USP6: variants seen among roughly 807,000 people sequenced by gnomAD.
The protein encoded by USP6 is ubiquitin specific peptidase 6.
USP6 carries 128 observed loss-of-function variants against 175.7 expected under a neutral mutation model. The ratio of observed to expected loss-of-function variants is 0.73; its 90% CI spans 0.63 to 0.84. The LOEUF is 0.84. Ranked by LOEUF, USP6 falls within the 40% of genes least tolerant of loss-of-function variation. The pLI, the probability that USP6 is intolerant of heterozygous loss-of-function variation, is 0.00. For synonymous variants in USP6, 562 were observed against 630.6 expected, an observed-to-expected ratio of 0.89 and a Z score of 1.63; for missense variants, 1,498 against 1,760.3, an observed-to-expected ratio of 0.85 and a Z score of 2.67.
At chr17:5,138,376 A>G in intron 21 of USP6, 103 bp downstream of exon 21, 1 of 1,572,176 alleles carries the variant, frequency 6.4e-7, no homozygotes, top group East Asian at 2.2e-5. Context: ...CTTCCTCTTC[A>G]CCTTTTCTTC....
In USP6 at chr17:5,132,312, C is replaced by A. The variant is rs749184339; in HGVS notation, c.156-84C>A. On this transcript the variant is annotated intron_variant, in intron 11 of 37. Transcript: ENST00000574788. This position sits in a 1 kb window ranked among gnomAD's most constrained non-coding sequence, Gnocchi z 4.7. ...GCCCTGAGCTGGATAGGGACAGAGC[C>A]AGTCCTTTCTGGGGGTCGGCTCCCA... The A allele has an allele frequency of 6.1e-5, 99 of 1,611,386 alleles. No individual in the cohort carries two copies. The highest frequency in any genetic ancestry group is 7.2e-5 in the Non-Finnish European group (85 of 1,179,464).
At position 5,139,454 on chromosome 17, in the gene USP6, T is replaced by G. The variant is rs1218412490; in HGVS notation, c.1278T>G (p.Pro426=). The change falls in exon 22 of 38, where the codon CCT becomes CCG. Residue 426 remains proline (P), a synonymous_variant. Transcript: ENST00000574788. The part of the protein sequence containing the change: ...PGGAVREDTY[P]VGTQGVPSLA... ...GGGCTGTCCGGGAAGACACGTACCC[T>G]GTGGGCACTCAGGGTGTGCCCAGCC... is the stretch of plus-strand genomic sequence containing the variant. The G allele has an allele frequency of 6.2e-7, 1 of 1,613,226 alleles. No homozygotes were observed. Among genetic ancestry groups the G allele is most frequent in the South Asian group, 1.1e-5 (1 of 91,046 alleles).
At chr17:5,147,342 T>G (rs1010531841) in intron 29 of USP6, 148 bp downstream of exon 29, 11 of 1,014,942 alleles carry the variant, frequency 1.1e-5, no homozygotes, top group Non-Finnish European at 1.5e-5. Context: ...ATTCCATATT[T>G]TTTCGATGAG....
chr17:5,155,885 C>T (rs1353155125), intron 31 of USP6, among the ~76,000 whole-genome samples: 1 of 152,166 alleles, frequency 6.6e-6, no homozygotes, highest in South Asian at 2.1e-4. Context: ...AATAATCCTT[C>T]CATTCTCTAA....
At chr17:5,152,841 A>G (rs1474694350) in intron 30 of USP6, among the ~76,000 whole-genome samples, 1 of 152,086 alleles carries the variant, frequency 6.6e-6, no homozygotes, top group Non-Finnish European at 1.5e-5. Flanking sequence ...TACAGAAAAT[A>G]CAGAAATTAG....
At chr17:5,150,299 T>A (rs747355841) in intron 30 of USP6, among the ~76,000 whole-genome samples, 39 of 94,500 alleles carry the variant, frequency 4.1e-4, no homozygotes, top group East Asian at 2.8e-3. Flanking sequence ...TCTAAAAAAA[T>A]AAATAAATAA....
chr17:5,121,916 C>G (rs2072680372), intron 4 of USP6, among the ~76,000 whole-genome samples, 166 bp downstream of exon 4: 1 of 152,090 alleles, frequency 6.6e-6, no homozygotes, highest in South Asian at 2.1e-4. Context: ...GATTGAGGAG[C>G]CTTGAATGCC....
rs2074263273 is a variant in USP6 at position 5,173,172 on chromosome 17, T to TA, written c.*195dup. 2.7e-6 allele frequency: 2 copies of TA among 752,072 alleles called. No homozygotes were observed. Among genetic ancestry groups the TA allele is most frequent in the Non-Finnish European group, 4.1e-6 (2 of 491,370 alleles). The allele number at this position is 752,072 out of a possible 1,614,324, so 46.6% of individuals were successfully genotyped here. A position where few individuals can be genotyped will look rare whatever the true frequency, so the allele number is the denominator to read the frequency against. ...TTGAAGTCTCATACAAGCTGTCTGA[T>TA]AGAGAACTTTCAGGCAGATCCCACC... On this transcript the variant is annotated 3_prime_UTR_variant, in exon 38 of 38. Coordinates refer to ENST00000574788, the MANE Select transcript of USP6 (RefSeq NM_001304284.2).
chr17:5,163,229 AT>A (rs1405478835), intron 33 of USP6, among the ~76,000 whole-genome samples: 11 of 152,300 alleles, frequency 7.2e-5, no homozygotes, highest in Admixed American at 5.2e-4. Context: ...TTGTGTTGCT[AT>A]AACAGAGTAC....
chr17:5,158,092 C>T (rs1390090223), intron 31 of USP6, among the ~76,000 whole-genome samples: 2 of 152,170 alleles, frequency 1.3e-5, no homozygotes, highest in Non-Finnish European at 2.9e-5. Flanking sequence ...ATGTCCTCTG[C>T]TGAAGATATA....
intron 32 of USP6, 76 bp downstream of exon 32, chr17:5,161,690 A>C (rs1228338504): frequency 6.6e-7 from 1 of 1,509,334 alleles, no homozygotes; most frequent in Admixed American, 1.8e-5. Context: ...AAGATTTCCA[A>C]TTTTGAGAAG....
At chr17:5,128,735 A>G (rs1429007341) in intron 7 of USP6, 1 of 152,684 alleles carries the variant, frequency 6.5e-6, no homozygotes, top group African/African-American at 2.4e-5. Context: ...TGACCCAGGC[A>G]AGGCCCCATT....
Position 5,130,692 on chromosome 17 carries a change from A to G in USP6, c.155+8A>G. On this transcript the variant is annotated splice_region_variant and intron_variant, in intron 11 of 37. Coordinates refer to ENST00000574788, the MANE Select transcript of USP6 (RefSeq NM_001304284.2). ...TCGTTTTGGCATTTTGCAGTGAGTC[A>G]TCCTCTATGCTCCCCTCACCCCTAA... 1 of 1,613,760 alleles carries G rather than the reference A, an allele frequency of 6.2e-7. No individual in the cohort carries two copies.
chr17:5,130,121 A>G (rs1338070307), intron 9 of USP6, 32 bp downstream of exon 9: 1 of 518,728 alleles, frequency 1.9e-6, no homozygotes, highest in Non-Finnish European at 3.5e-6. Flanking sequence ...TATGGGGACA[A>G]CCGGATTCTC....
intron 30 of USP6, among the ~76,000 whole-genome samples, chr17:5,152,308 G>T (rs1361345933): frequency 6.6e-6 from 1 of 151,600 alleles, no homozygotes; most frequent in East Asian, 1.9e-4. Context: ...ACAATATTAT[G>T]ATATCAGTGC....
At chr17:5,170,228 C>T (rs2074183157) in intron 35 of USP6, among the ~76,000 whole-genome samples, 1 of 152,144 alleles carries the variant, frequency 6.6e-6, no homozygotes, top group Non-Finnish European at 1.5e-5. Flanking sequence ...AATCATCTTT[C>T]TGCTGTTTTC....
At chr17:5,138,507 C>T (rs2073335341) in intron 21 of USP6, among the ~76,000 whole-genome samples, 1 of 152,156 alleles carries the variant, frequency 6.6e-6, no homozygotes, top group Non-Finnish European at 1.5e-5. Flanking sequence ...CAAGACCCTC[C>T]AACAAGCCCC....
At chr17:5,160,747 A>G (rs1424843045) in intron 31 of USP6, among the ~76,000 whole-genome samples, 3 of 152,196 alleles carry the variant, frequency 2.0e-5, no homozygotes, top group Non-Finnish European at 4.4e-5. Flanking sequence ...ATACCCAGTA[A>G]TGGGATTGCT....
intron 22 of USP6, 26 bp downstream of exon 22, chr17:5,139,700 G>C (rs529667531): frequency 6.2e-7 from 1 of 1,601,802 alleles, no homozygotes. Flanking sequence ...ACTGCACTGA[G>C]CCACAATGTG....
Sources: allele counts gnomAD v4.1 joint callset (sites outside exome capture counted in the v4.1 genomes callset), GRCh38; gene constraint gnomAD v4.1.1; non-coding constraint Gnocchi (gnomAD v3.1); transcripts MANE v1.5; gene names NCBI Gene and HGNC (gene_info 2026-07-23, HGNC 2026-07-21).